Variants in GUCA1C observed in about 807,000 individuals in gnomAD.
The protein encoded by GUCA1C is guanylate cyclase activator 1C, also known as guanylyl cyclase-activating protein 3.
A neutral mutation model predicts 16.2 loss-of-function variants in GUCA1C; 15 were observed. That is an observed-to-expected ratio of 0.93 (90% CI 0.62 to 1.43). The LOEUF is 1.43. GUCA1C is among the 40% of genes most tolerant of loss of function. The pLI, the probability that GUCA1C is intolerant of heterozygous loss-of-function variation, is 0.00. For missense variants in GUCA1C, 275 were observed against 244.8 expected (o/e 1.12, Z -0.82); for synonymous variants, 78 against 85.4 (o/e 0.91, Z 0.48).
Position 108,920,558 on chromosome 3 carries a change from T to C in GUCA1C, c.232A>G (p.Ile78Val). Reference protein sequence around the residue: ...KDGFVDFLEFIAAVNLIMQEK... With the variant: ...KDGFVDFLEFVAAVNLIMQEK... ...TGCATGATTAGATTTACAGCAGCAA[T>C]AAACTCCAAAAAGTCAACAAATCCA... is the stretch of plus-strand genomic sequence containing the variant. The change falls in exon 2 of 4, where the codon ATT becomes GTT. Residue 78 changes from isoleucine to valine, a missense_variant. By Grantham distance (29) the Ile-to-Val change is conservative. Coordinates refer to ENST00000261047, the MANE Select transcript of GUCA1C (RefSeq NM_005459.4). 6.5e-7 allele frequency: 1 copy of C among 1,541,274 alleles called. No individual in the cohort carries two copies. Among genetic ancestry groups the C allele is most frequent in the East Asian group, 2.2e-5 (1 of 44,626 alleles).
chr3:108,953,467 T>G, intron 1 of GUCA1C, 92 bp downstream of exon 1: 1 of 819,168 alleles, frequency 1.2e-6, no homozygotes, highest in Non-Finnish European at 2.0e-6. Context: ...TGTACACATT[T>G]TACTTAAGGC....
At chr3:108,918,588 T>G (rs1384090579) in intron 2 of GUCA1C, among the ~76,000 whole-genome samples, 1 of 152,162 alleles carries the variant, frequency 6.6e-6, no homozygotes, top group Non-Finnish European at 1.5e-5. Context: ...CAAATGTCCC[T>G]CAAAAATCCT....
At chr3:108,953,449 C>G (rs931835146) in intron 1 of GUCA1C, 110 bp downstream of exon 1, 5 of 694,032 alleles carry the variant, frequency 7.2e-6, no homozygotes, top group East Asian at 5.2e-5. Flanking sequence ...CCTCTCCATT[C>G]AGTGGGATGT....
chr3:108,919,937 G>T (rs1374986507), intron 2 of GUCA1C, among the ~76,000 whole-genome samples: 40 of 152,026 alleles, frequency 2.6e-4, no homozygotes, highest in Admixed American at 2.6e-3. Context: ...ACTCCATTGG[G>T]GTGGTGGTAC....
At chr3:108,918,548 C>CA (rs1241946442) in intron 2 of GUCA1C, among the ~76,000 whole-genome samples, 1 of 152,186 alleles carries the variant, frequency 6.6e-6, no homozygotes, top group Non-Finnish European at 1.5e-5. Flanking sequence ...CTAACATCCC[C>CA]ATGTTATTGA....
At chr3:108,916,849 A>C (rs186151827) in intron 2 of GUCA1C, among the ~76,000 whole-genome samples, 1 of 152,350 alleles carries the variant, frequency 6.6e-6, no homozygotes, top group Admixed American at 6.5e-5. Flanking sequence ...CCCAGACTTG[A>C]CATAGAACTT....
intron 1 of GUCA1C, among the ~76,000 whole-genome samples, chr3:108,950,544 C>T (rs1377310411): frequency 6.6e-6 from 1 of 152,164 alleles, no homozygotes; most frequent in Non-Finnish European, 1.5e-5. Flanking sequence ...TCCCCACATC[C>T]TTGACACTCA....
At chr3:108,926,781 GTT>G (rs34081494) in intron 1 of GUCA1C, among the ~76,000 whole-genome samples, 3 of 144,312 alleles carry the variant, frequency 2.1e-5, no homozygotes, top group African/African-American at 5.0e-5. Flanking sequence ...TGCCCGGCCT[GTT>G]TTTTTTTTTT....
intron 3 of GUCA1C, among the ~76,000 whole-genome samples, chr3:108,914,456 T>C (rs1176697278): frequency 6.6e-6 from 1 of 152,236 alleles, no homozygotes; most frequent in Non-Finnish European, 1.5e-5. Flanking sequence ...TTCCTAAGAA[T>C]ACCAAAATCT....
chr3:108,948,960 G>A (rs1946870732), intron 1 of GUCA1C, among the ~76,000 whole-genome samples: 1 of 151,292 alleles, frequency 6.6e-6, no homozygotes, highest in Non-Finnish European at 1.5e-5. Context: ...CAATTCTCTT[G>A]TCTCAGCCTC....
At chr3:108,954,663 G>T (rs1289866925), upstream of GUCA1C, among the ~76,000 whole-genome samples, 1 of 151,736 alleles carries the variant, frequency 6.6e-6, no homozygotes, top group African/African-American at 2.4e-5. Context: ...AACCCATTTT[G>T]GTACCAACCA....
At chr3:108,947,471 C>A (rs79553112) in intron 1 of GUCA1C, among the ~76,000 whole-genome samples, 4,753 of 152,098 alleles carry the variant, frequency 0.031, 234 homozygotes, top group African/African-American at 0.11. Context: ...TGTATCATAC[C>A]ATAGCATTAT....
At chr3:108,919,452 T>C (rs963609523) in intron 2 of GUCA1C, among the ~76,000 whole-genome samples, 8 of 152,212 alleles carry the variant, frequency 5.3e-5, no homozygotes, top group Non-Finnish European at 1.2e-4. Flanking sequence ...TAGGCAGAAT[T>C]TCTAAATTGT....
chr3:108,937,399 C>T (rs1319028110), intron 1 of GUCA1C, among the ~76,000 whole-genome samples: 2 of 152,152 alleles, frequency 1.3e-5, no homozygotes, highest in Non-Finnish European at 2.9e-5. Context: ...GAAACAGATA[C>T]TAAAATGTTA....
intron 3 of GUCA1C, among the ~76,000 whole-genome samples, chr3:108,910,684 C>G (rs983791261): frequency 1.3e-5 from 2 of 151,444 alleles, no homozygotes; most frequent in African/African-American, 4.9e-5. Context: ...GAGTCTCCCT[C>G]TGTCTCCCAG....
intron 3 of GUCA1C, among the ~76,000 whole-genome samples, chr3:108,911,612 C>A (rs1285690557): frequency 2.0e-5 from 3 of 152,158 alleles, no homozygotes; most frequent in African/African-American, 4.8e-5. Flanking sequence ...CTTTAGCATG[C>A]AGTAGTTTCT....
chr3:108,943,388 A>G (rs1946807958), intron 1 of GUCA1C, among the ~76,000 whole-genome samples: 1 of 152,156 alleles, frequency 6.6e-6, no homozygotes, highest in Admixed American at 6.5e-5. Flanking sequence ...CTGGGAGAAA[A>G]GGCTGTAGGT....
At chr3:108,941,511 C>T (rs940109087) in intron 1 of GUCA1C, among the ~76,000 whole-genome samples, 7 of 152,148 alleles carry the variant, frequency 4.6e-5, no homozygotes, top group African/African-American at 1.4e-4. Flanking sequence ...CTTTTAGACC[C>T]GTTTCCCTCC....
At chr3:108,952,492 C>T (rs1325656502) in intron 1 of GUCA1C, among the ~76,000 whole-genome samples, 1 of 152,160 alleles carries the variant, frequency 6.6e-6, no homozygotes, top group Non-Finnish European at 1.5e-5. Flanking sequence ...AAATCTGTTC[C>T]TGACATTGCT....
Sources: gnomAD v4.1 joint callset for allele counts (sites outside exome capture counted in the v4.1 genomes callset) on GRCh38, gnomAD v4.1.1 for gene constraint, MANE v1.5 for transcripts, NCBI Gene and HGNC (gene_info 2026-07-23, HGNC 2026-07-21) for gene names.